Variants in SLC22A14 observed in about 807,000 individuals in gnomAD.
SLC22A14 encodes the protein organic cation transporter-like 4.
In SLC22A14, 50 loss-of-function variants were observed where a neutral mutation model predicts 53.9. The observed-to-expected ratio is 0.93, with a 90% CI of 0.74 to 1.17. The LOEUF (loss-of-function observed/expected upper bound fraction) is 1.17. Among genes scored for constraint, SLC22A14 ranks in the 50% most tolerant of loss-of-function variants. The pLI is 0.00. For synonymous variants in SLC22A14, 312 were observed against 303.0 expected, an observed-to-expected ratio of 1.03 and a Z score of -0.31; for missense variants, 671 against 734.7, an observed-to-expected ratio of 0.91 and a Z score of 1.00.
chr3:38,308,209 AAGG>A (rs1209918058), intron 4 of SLC22A14: 1 of 159,788 alleles, frequency 6.3e-6, no homozygotes, highest in Non-Finnish European at 1.4e-5. Flanking sequence ...AAAAAGAAAG[AAGG>A]AGGAAGAGGA....
At position 38,318,341 on chromosome 3, in the gene SLC22A14, G is replaced by C; in HGVS notation, c.*92G>C. ...CCCTGCCTTGAAGCAATTCAATAAAGAGGAAGCAAACAGCCAGGCTCCCTG... is the reference window on the plus strand; with the variant it reads ...CCCTGCCTTGAAGCAATTCAATAAACAGGAAGCAAACAGCCAGGCTCCCTG... On this transcript the variant is annotated 3_prime_UTR_variant, in exon 11 of 11. Coordinates refer to ENST00000448498, the MANE Select transcript of SLC22A14 (RefSeq NM_001320033.2). The C allele has an allele frequency of 7.8e-7, 1 of 1,274,456 alleles. No homozygotes were observed. Among genetic ancestry groups the C allele is most frequent in the Non-Finnish European group, 1.1e-6 (1 of 872,448 alleles). The allele number at this position is 1,274,456 out of a possible 1,614,324, so 78.9% of individuals were successfully genotyped here. A position where few individuals can be genotyped will look rare whatever the true frequency, so the allele number is the denominator to read the frequency against.
chr3:38,309,369 G>A lies in SLC22A14; in HGVS notation c.944+247G>A, dbSNP rs79389593. On this transcript the variant is annotated intron_variant, in intron 5 of 10. Coordinates refer to ENST00000448498, the MANE Select transcript of SLC22A14 (RefSeq NM_001320033.2). ...TGGTCAGAAAACCAGGAGGAAGAGT[G>A]TTGAAGGCCAAGGGGTTAAGGCCAA... Among the ~76,000 whole-genome samples the A allele has an allele frequency of 3.3e-4, 51 of 152,290 alleles. No homozygotes were observed. The East Asian group carries it at 7.9e-3, about 24-fold the overall frequency.
chr3:38,313,298 C>T, intron 6 of SLC22A14, 90 bp from the exon 7 acceptor site: 1 of 1,371,058 alleles, frequency 7.3e-7, no homozygotes, highest in Non-Finnish European at 1.0e-6. Context: ...CTGGCACTTT[C>T]AGGGACAGGC....
At chr3:38,289,429 G>A (rs1369791101) in intron 1 of SLC22A14, among the ~76,000 whole-genome samples, 1 of 152,076 alleles carries the variant, frequency 6.6e-6, no homozygotes, top group Non-Finnish European at 1.5e-5. Context: ...GTTACCCAGG[G>A]GGTCCTTGCT....
intron 1 of SLC22A14, among the ~76,000 whole-genome samples, chr3:38,302,578 G>T (rs375209411): frequency 1.3e-5 from 2 of 152,096 alleles, no homozygotes; most frequent in East Asian, 1.9e-4. Context: ...GATTGCTTGA[G>T]CCTGGGAGGT....
At chr3:38,313,365 G>T in intron 6 of SLC22A14, 23 bp from the exon 7 acceptor site, 1 of 1,586,030 alleles carries the variant, frequency 6.3e-7, no homozygotes. Flanking sequence ...CCCTGCCTCT[G>T]ACTGGTCCTG....
chr3:38,306,165 A>T lies in SLC22A14; in HGVS notation c.139A>T (p.Lys47Ter). The change falls in exon 2 of 11, where the codon AAG (lysine) becomes TAG (stop). Residue 47 changes from lysine to a stop codon, truncating the protein, a stop_gained. Coordinates refer to ENST00000448498, the MANE Select transcript of SLC22A14 (RefSeq NM_001320033.2). LOFTEE classifies it high-confidence loss of function. ...LLRRLRAVHT[K>*]QDDKFANLLD... The stretch of plus-strand genomic sequence containing the variant: ...ACGCAGATTGAGGGCTGTCCACACC[A>T]AGCAGGATGACAAGTTTGCCAACCT... 1 of 1,614,184 alleles carries T rather than the reference A, an allele frequency of 6.2e-7. No homozygotes were observed. Among genetic ancestry groups the T allele is most frequent in the Non-Finnish European group, 8.5e-7 (1 of 1,180,024 alleles).
At position 38,309,016 on chromosome 3, in the gene SLC22A14, G is replaced by A. The variant is rs529640267; in HGVS notation, c.838G>A (p.Ala280Thr). The A allele has an allele frequency of 1.2e-5, 19 of 1,613,958 alleles. No homozygotes were observed. The highest frequency in any genetic ancestry group is 1.6e-4 in the Middle Eastern group (1 of 6,082). ...CATTATCCTGGGACACTGCTTTTTC[G>A]CTGTTGGGGCCGTGTTGCTGACAGG... ...HAIILGHCFFAVGAVLLTGIA... is the reference protein window; with the variant it reads ...HAIILGHCFFTVGAVLLTGIA... Residue 280 changes from alanine (A) to threonine (T), a missense_variant, in exon 5 of 11, where the codon GCT (alanine) becomes ACT (threonine). Physicochemically the swap from Ala to Thr is moderately conservative, Grantham distance 58. Transcript: ENST00000448498.
intron 1 of SLC22A14, among the ~76,000 whole-genome samples, chr3:38,298,813 C>CA (rs1461497255): frequency 6.6e-6 from 1 of 152,144 alleles, no homozygotes; most frequent in East Asian, 1.9e-4. Flanking sequence ...GCCTTGGCCT[C>CA]CAAAGTGCTG....
intron 5 of SLC22A14, among the ~76,000 whole-genome samples, chr3:38,309,835 C>T (rs1408990127): frequency 6.6e-6 from 1 of 152,140 alleles, no homozygotes; most frequent in East Asian, 1.9e-4. Context: ...GGCAGTTCTG[C>T]ATGAAGCAAT....
rs145912264 is a variant in SLC22A14, at chr3:38,304,473, G to A, written c.1-1554G>A. Among the ~76,000 whole-genome samples the A allele has an allele frequency of 9.1e-3, 1,387 of 151,984 alleles. 23 individuals carry two copies. The highest frequency in any genetic ancestry group is 0.032 in the African/African-American group (1,306 of 41,452). ...CGTGATCATGGCTCACTGCAGCCTC[G>A]ACCTCCCTGGCTCAGGTGATCCTCC... is the stretch of plus-strand genomic sequence containing the variant. On this transcript the variant is annotated intron_variant, in intron 1 of 10. Coordinates refer to ENST00000448498, the MANE Select transcript of SLC22A14 (RefSeq NM_001320033.2).
intron 1 of SLC22A14, among the ~76,000 whole-genome samples, chr3:38,295,989 C>T (rs1325207214): frequency 6.7e-6 from 1 of 148,996 alleles, no homozygotes; most frequent in Non-Finnish European, 1.5e-5. Context: ...AGGATGCAGC[C>T]TAGAGCTTCC....
intron 8 of SLC22A14, among the ~76,000 whole-genome samples, 157 bp from the exon 9 acceptor site, chr3:38,315,401 C>T (rs1704592042): frequency 6.6e-6 from 1 of 152,264 alleles, no homozygotes; most frequent in Non-Finnish European, 1.5e-5. Flanking sequence ...AAATGTCCTG[C>T]CTTCCAGCCT....
chr3:38,294,715 C>T (rs1703988955), intron 1 of SLC22A14, among the ~76,000 whole-genome samples: 1 of 152,114 alleles, frequency 6.6e-6, no homozygotes, highest in African/African-American at 2.4e-5. Context: ...ATGTAGCAGT[C>T]CTGCACCTGT....
At chr3:38,294,115 A>G (rs59500835) in intron 1 of SLC22A14, among the ~76,000 whole-genome samples, 9,727 of 151,336 alleles carry the variant, frequency 0.064, 369 homozygotes, top group East Asian at 0.16. Context: ...CATAATAGGG[A>G]AATATTGGCA....
chr3:38,307,889 CTGGGATCCCACAGGA>C lies in SLC22A14; in HGVS notation c.775+170_775+184del. On this transcript the variant is annotated intron_variant, in intron 4 of 10. Transcript: ENST00000448498. The surrounding 1 kb of genome is among the most constrained non-coding windows in gnomAD (Gnocchi z 4.4). Reference sequence around the variant, plus strand: ...GGGGGTGTGGCAGCGTGGGCATCTGCTGGGATCCCACAGGACACAGAGTCAGGGGCCTAATTGGAC... The same window carrying C: ...GGGGGTGTGGCAGCGTGGGCATCTGCCACAGAGTCAGGGGCCTAATTGGAC... 1 of 689,354 alleles carries C rather than the reference CTGGGATCCCACAGGA, an allele frequency of 1.5e-6. No homozygotes were observed. The highest frequency in any genetic ancestry group is 2.5e-6 in the Non-Finnish European group (1 of 407,870). 42.7% of individuals were successfully genotyped at this position (689,354 alleles called of 1,614,324 possible).
chr3:38,285,122 A>G (rs1006395493), intron 1 of SLC22A14, among the ~76,000 whole-genome samples: 1 of 152,220 alleles, frequency 6.6e-6, no homozygotes, highest in African/African-American at 2.4e-5. Context: ...AGCCATTAAC[A>G]TGATCAATGT....
chr3:38,300,272 T>C (rs1347713158), intron 1 of SLC22A14, among the ~76,000 whole-genome samples: 1 of 152,104 alleles, frequency 6.6e-6, no homozygotes, highest in East Asian at 1.9e-4. Flanking sequence ...AAACTCTATA[T>C]CTACCAAAAA....
chr3:38,302,088 G>A (rs749780095), intron 1 of SLC22A14, among the ~76,000 whole-genome samples: 1 of 150,668 alleles, frequency 6.6e-6, no homozygotes, highest in Non-Finnish European at 1.5e-5. Context: ...ACAAAAATTA[G>A]CCAGGCGTGG....
Sources: gnomAD v4.1 joint callset for allele counts (sites outside exome capture counted in the v4.1 genomes callset) on GRCh38, gnomAD v4.1.1 for gene constraint, Gnocchi (gnomAD v3.1) non-coding constraint, MANE v1.5 for transcripts, NCBI Gene and HGNC (gene_info 2026-07-23, HGNC 2026-07-21) for gene names.